The following SLC4A8 variants were observed in gnomAD, a reference collection of about 807,000 sequenced individuals.
SLC4A8 encodes the protein solute carrier family 4 member 8.
Under a neutral mutation model 125.0 loss-of-function variants are expected in SLC4A8, and 40 were observed. That is an observed-to-expected ratio of 0.32 (90% confidence interval 0.25 to 0.42). The LOEUF (loss-of-function observed/expected upper bound fraction) is 0.42. SLC4A8 is among the 10% of genes least tolerant of loss of function. The probability of loss-of-function intolerance (pLI) is 1.00; values close to 1 mark genes in which losing one functional copy is unlikely to be tolerated. For synonymous variants in SLC4A8, 456 were observed against 476.0 expected, an observed-to-expected ratio of 0.96 and a Z score of 0.55; for missense variants, 863 against 1,355.1, an observed-to-expected ratio of 0.64 and a Z score of 5.70.
chr12:51,490,945 G>A (rs1216332521), intron 19 of SLC4A8, among the ~76,000 whole-genome samples: 1 of 152,218 alleles, frequency 6.6e-6, no homozygotes, highest in African/African-American at 2.4e-5. Context: ...CTTGGATAAG[G>A]AAGCTGGTAG....
intron 1 of SLC4A8, among the ~76,000 whole-genome samples, chr12:51,413,767 T>A (rs571635539): frequency 9.3e-4 from 142 of 152,298 alleles, no homozygotes; most frequent in African/African-American, 3.2e-3. Flanking sequence ...CTATTCTGTT[T>A]CGTTGGTCTG....
intron 16 of SLC4A8, among the ~76,000 whole-genome samples, chr12:51,482,533 C>T (rs1463724471): frequency 6.6e-6 from 1 of 152,080 alleles, no homozygotes; most frequent in African/African-American, 2.4e-5. Flanking sequence ...GTGTGCACCA[C>T]CATGTCTAGC....
intron 1 of SLC4A8, among the ~76,000 whole-genome samples, chr12:51,435,493 C>T (rs1269982592): frequency 2.6e-5 from 4 of 152,080 alleles, no homozygotes; most frequent in Non-Finnish European, 5.9e-5. Flanking sequence ...CGTGGTGGCT[C>T]GCGCCTGTAA....
chr12:51,423,755 C>T (rs577050998), upstream of SLC4A8, among the ~76,000 whole-genome samples: 2 of 152,222 alleles, frequency 1.3e-5, no homozygotes, highest in East Asian at 1.9e-4. Context: ...GCCCCACGGC[C>T]GGGTGCCATG....
intron 22 of SLC4A8, chr12:51,497,351 A>G (rs185723949): frequency 2.5e-5 from 12 of 489,044 alleles, no homozygotes; most frequent in Admixed American, 7.9e-5. Context: ...TTTACAATCT[A>G]CTCACCAGGC....
chr12:51,462,355 C>T lies in SLC4A8; in HGVS notation c.1147C>T (p.Leu383=), dbSNP rs759613769. 8.1e-6 allele frequency: 13 copies of T among 1,613,866 alleles called. No individual in the cohort carries two copies. In the South Asian group the frequency reaches 1.4e-4, roughly 18 times the overall value. Residue 383 remains leucine, a synonymous_variant, in exon 10 of 25, where the codon CTG becomes TTG. Transcript: ENST00000453097. ...AYKAKERDDL[L]AGIDEFLDQV... is the part of the protein sequence containing the mutation. The stretch of plus-strand genomic sequence containing the variant: ...TAAGGCAAAAGAGCGAGATGATCTC[C>T]TGGCGGGGATTGATGAGTTCCTAGA...
chr12:51,417,410 G>C, intron 1 of SLC4A8, among the ~76,000 whole-genome samples: 1 of 151,846 alleles, frequency 6.6e-6, no homozygotes, highest in East Asian at 1.9e-4. Context: ...GCAATGGCAT[G>C]ATCTTGGCTC....
At chr12:51,476,897 T>C (rs1950870264) in intron 16 of SLC4A8, among the ~76,000 whole-genome samples, 1 of 141,256 alleles carries the variant, frequency 7.1e-6, no homozygotes, top group Non-Finnish European at 1.5e-5. Flanking sequence ...TTGTTTTTCT[T>C]TTTCTTTTCT....
intron 5 of SLC4A8, among the ~76,000 whole-genome samples, chr12:51,455,194 T>C (rs1256339862): frequency 6.6e-6 from 1 of 150,592 alleles, no homozygotes; most frequent in Non-Finnish European, 1.5e-5. Context: ...TGGAGTCTCC[T>C]ATGTCTACTT....
At chr12:51,496,962 A>G (rs771058545) in intron 21 of SLC4A8, 25 bp from the exon 22 acceptor site, 2 of 1,606,624 alleles carry the variant, frequency 1.2e-6, no homozygotes, top group East Asian at 2.2e-5. Flanking sequence ...CCTTTAATTC[A>G]CTTTTTTTTT....
chr12:51,464,940 G>C (rs1422453692), intron 11 of SLC4A8, among the ~76,000 whole-genome samples: 1 of 152,204 alleles, frequency 6.6e-6, no homozygotes, highest in Non-Finnish European at 1.5e-5. Context: ...ATGTATTGGA[G>C]GGTAGGGGAA....
At chr12:51,425,570 A>G (rs189281721) in intron 1 of SLC4A8, among the ~76,000 whole-genome samples, 5 of 152,286 alleles carry the variant, frequency 3.3e-5, no homozygotes, top group Admixed American at 1.3e-4. Context: ...CAGACACCTG[A>G]AAACTTCTGG....
intron 1 of SLC4A8, among the ~76,000 whole-genome samples, chr12:51,401,920 A>G (rs1948401698): frequency 6.7e-6 from 1 of 150,180 alleles, no homozygotes; most frequent in East Asian, 2.0e-4. Flanking sequence ...ATGTGCAACC[A>G]CACCCAGCTA....
upstream of SLC4A8, among the ~76,000 whole-genome samples, chr12:51,420,764 G>T (rs182860710): frequency 7.1e-4 from 108 of 152,318 alleles, no homozygotes; most frequent in Non-Finnish European, 8.8e-5. Flanking sequence ...GTTAGAGAAG[G>T]ATGAAATTCC....
intron 20 of SLC4A8, 77 bp from the exon 21 acceptor site, chr12:51,494,868 A>G: frequency 8.9e-7 from 1 of 1,121,846 alleles, no homozygotes; most frequent in East Asian, 2.4e-5. Flanking sequence ...AGGTAATGTA[A>G]GAGATATGAA....
At position 51,485,829 on chromosome 12, in the gene SLC4A8, T is replaced by G. The variant is rs1285036277; in HGVS notation, c.2215T>G (p.Phe739Val). The stretch of plus-strand genomic sequence containing the variant: ...TGACTTTGCTGTTTTCCTCACTATC[T>G]TCACAATGGTGATTATTGATTTTTT... The part of the protein sequence containing the change: ...VSDFAVFLTI[F>V]TMVIIDFLIG... The change falls in exon 17 of 25, where the codon TTC (phenylalanine) becomes GTC (valine). Residue 739 changes from phenylalanine (F) to valine (V), a missense_variant. Coordinates refer to ENST00000453097, the MANE Select transcript of SLC4A8 (RefSeq NM_001039960.3). The G allele has an allele frequency of 6.2e-7, 1 of 1,613,618 alleles. No individual in the cohort carries two copies. The highest frequency in any genetic ancestry group is 8.5e-7 in the Non-Finnish European group (1 of 1,179,642).
rs1228573270 is a variant in SLC4A8, at chr12:51,493,696, G to A, written c.2701-8G>A. 6.3e-7 allele frequency: 1 copy of A among 1,593,504 alleles called. No individual in the cohort carries two copies. ...AATTTCTGGCCTTTCTTGTCCTTTT[G>A]TCTTCAGTTTATTCCAATGCCAGTA... On this transcript the variant is annotated splice_polypyrimidine_tract_variant and splice_region_variant and intron_variant, in intron 19 of 24. Transcript: ENST00000453097.
chr12:51,460,117 A>C lies in SLC4A8; in HGVS notation c.1013+9A>C, dbSNP rs904905472. 6.2e-7 allele frequency: 1 copy of C among 1,611,808 alleles called. No homozygotes were observed. Among genetic ancestry groups the C allele is most frequent in the Admixed American group, 1.7e-5 (1 of 60,018 alleles). On this transcript the variant is annotated intron_variant, in intron 8 of 24. Transcript: ENST00000453097. ...GTGCCAATCCCAACAAGGTAAAGGC[A>C]AAGATAAAACTCATGCATTCTATCC...
intron 19 of SLC4A8, among the ~76,000 whole-genome samples, chr12:51,493,201 C>T (rs149345346): frequency 1.3e-4 from 20 of 152,110 alleles, no homozygotes; most frequent in African/African-American, 3.6e-4. Flanking sequence ...ATAATAATGT[C>T]GGTGTTTCCC....
Sources: allele counts gnomAD v4.1 joint callset (sites outside exome capture counted in the v4.1 genomes callset), GRCh38; gene constraint gnomAD v4.1.1; transcripts MANE v1.5; gene names NCBI Gene and HGNC (gene_info 2026-07-23, HGNC 2026-07-21).